Variants in ADCK1 observed in about 807,000 individuals in gnomAD.
ADCK1 encodes the protein aarF domain containing kinase 1, also known as aarF domain-containing protein kinase 1.
ADCK1 carries 41 observed loss-of-function variants against 52.3 expected under a neutral mutation model. The ratio of observed to expected loss-of-function variants is 0.78; its 90% confidence interval spans 0.61 to 1.02. ADCK1 has a LOEUF of 1.02. Among genes scored for constraint, ADCK1 ranks in the 50% least tolerant of loss-of-function variants. The pLI is 0.00. For missense variants in ADCK1, 658 were observed against 679.5 expected, an observed-to-expected ratio of 0.97 and a Z score of 0.35; for synonymous variants, 250 against 274.6, an observed-to-expected ratio of 0.91 and a Z score of 0.89.
At chr14:77,847,898 C>T (rs377352730) in intron 3 of ADCK1, among the ~76,000 whole-genome samples, 3 of 152,272 alleles carry the variant, frequency 2.0e-5, no homozygotes, top group South Asian at 4.1e-4. Flanking sequence ...GAACAGTTCC[C>T]GGGAGCCCAG....
intron 3 of ADCK1, among the ~76,000 whole-genome samples, chr14:77,846,707 G>T (rs1334449407): frequency 6.6e-6 from 1 of 152,188 alleles, no homozygotes; most frequent in East Asian, 1.9e-4. Context: ...TCCCACTGGG[G>T]AACGGTCAAG....
chr14:77,914,665 C>A (rs577682245), intron 7 of ADCK1: 220 of 862,348 alleles, frequency 2.6e-4, no homozygotes, highest in Admixed American at 3.1e-4. Flanking sequence ...TAAGCAACAT[C>A]CTCTGAGTGT....
At chr14:77,889,994 A>G (rs1342638246) in intron 5 of ADCK1, among the ~76,000 whole-genome samples, 3 of 152,186 alleles carry the variant, frequency 2.0e-5, no homozygotes, top group Admixed American at 6.5e-5. Context: ...TGGGACTAAG[A>G]AAGCATGGTC....
In ADCK1 at chr14:77,802,974, A is replaced by G. The variant is rs951209888; in HGVS notation, c.-12+2804A>G. Among the ~76,000 whole-genome samples the G allele has an allele frequency of 2.6e-5, 4 of 151,908 alleles. No individual in the cohort carries two copies. The South Asian group carries it at 6.3e-4, about 24-fold the overall frequency. On this transcript the variant is annotated intron_variant, in intron 1 of 10. Coordinates refer to ENST00000238561, the MANE Select transcript of ADCK1 (RefSeq NM_020421.4). ...ATCTCAAAATAAATAAATAAATACAATTTGGTTCCTGGACTACATTACTAT... is the reference window on the plus strand; with the variant it reads ...ATCTCAAAATAAATAAATAAATACAGTTTGGTTCCTGGACTACATTACTAT...
At chr14:77,856,159 G>A (rs61990735) in intron 3 of ADCK1, among the ~76,000 whole-genome samples, 175 of 152,230 alleles carry the variant, frequency 1.1e-3, no homozygotes, top group Non-Finnish European at 2.0e-3. Context: ...ACAGTGAGCC[G>A]AGATCACGCC....
chr14:77,822,903 G>A (rs2081612554), intron 3 of ADCK1, among the ~76,000 whole-genome samples: 1 of 152,216 alleles, frequency 6.6e-6, no homozygotes, highest in Non-Finnish European at 1.5e-5. Flanking sequence ...GGAGAGGCCA[G>A]TGTGTGTTTC....
At chr14:77,898,181 G>A (rs1210768106) in intron 5 of ADCK1, among the ~76,000 whole-genome samples, 1 of 152,168 alleles carries the variant, frequency 6.6e-6, no homozygotes, top group Non-Finnish European at 1.5e-5. Flanking sequence ...GATCACTTGA[G>A]CCTTGGAGGT....
At chr14:77,909,065 CA>C (rs981300059) in intron 7 of ADCK1, among the ~76,000 whole-genome samples, 1 of 150,232 alleles carries the variant, frequency 6.7e-6, no homozygotes, top group African/African-American at 2.5e-5. Flanking sequence ...GGGAGTGCAG[CA>C]ACATGTTCTG....
chr14:77,870,490 A>G (rs930300871), intron 4 of ADCK1, among the ~76,000 whole-genome samples: 2 of 152,242 alleles, frequency 1.3e-5, no homozygotes, highest in African/African-American at 4.8e-5. Flanking sequence ...ATTTTAGGCA[A>G]AGTGAGCTAA....
In ADCK1 at chr14:77,924,492, G is replaced by T. The variant is rs2140293793; in HGVS notation, c.894G>T (p.Met298Ile). 1 of 1,614,118 alleles carries T rather than the reference G, an allele frequency of 6.2e-7. No homozygotes were observed. Among genetic ancestry groups the T allele is most frequent in the East Asian group, 2.2e-5 (1 of 44,874 alleles). ...SRHLGKMYSE[M>I]IFVNGFVHCD... The stretch of plus-strand genomic sequence containing the variant: ...ACCTGGGCAAGATGTATAGTGAGAT[G>T]ATCTTCGTCAATGGCTTCGTGCACT... The change falls in exon 8 of 11, where the codon ATG becomes ATT. Residue 298 changes from methionine (M) to isoleucine (I), a missense_variant. Physicochemically the swap from Met to Ile is conservative, Grantham distance 10. Coordinates refer to ENST00000238561, the MANE Select transcript of ADCK1 (RefSeq NM_020421.4).
chr14:77,907,844 C>T lies in ADCK1; in HGVS notation c.783C>T (p.Leu261=). ...GGGACCTGTCCACGGAGCGGGTCCT[C>T]CTGATGGAGTTTGTGGATGGCGGGC... is the stretch of plus-strand genomic sequence containing the variant. ...IHWDLSTERV[L]LMEFVDGGQV... The change falls in exon 7 of 11, where the codon CTC becomes CTT. Residue 261 remains leucine, a synonymous_variant. Transcript: ENST00000238561. The T allele has an allele frequency of 1.2e-6, 2 of 1,614,118 alleles. No individual in the cohort carries two copies. Among genetic ancestry groups the T allele is most frequent in the Non-Finnish European group, 1.7e-6 (2 of 1,179,992 alleles).
chr14:77,901,069 G>T (rs1330470338), intron 6 of ADCK1, among the ~76,000 whole-genome samples: 2 of 141,854 alleles, frequency 1.4e-5, no homozygotes, highest in African/African-American at 5.2e-5. Flanking sequence ...TTTTGAGACA[G>T]AGTCTCGCTC....
Position 77,830,475 on chromosome 14 carries a change from A to C in ADCK1, c.219+7957A>C, listed in dbSNP as rs972539552. On this transcript the variant is annotated intron_variant, in intron 3 of 10. Coordinates refer to ENST00000238561, the MANE Select transcript of ADCK1 (RefSeq NM_020421.4). Reference sequence around the variant, plus strand: ...TCGCCAATTTTTTTTTTAATTAAATATGAGACAGAGTCTTGTCATGTTGCC... The same window carrying C: ...TCGCCAATTTTTTTTTTAATTAAATCTGAGACAGAGTCTTGTCATGTTGCC... 2.6e-5 allele frequency among the ~76,000 whole-genome samples: 4 copies of C among 150,958 alleles called. No individual in the cohort carries two copies. The Middle Eastern group carries it at 9.6e-3, about 363-fold the overall frequency.
chr14:77,845,476 G>A (rs1356360407), intron 3 of ADCK1, among the ~76,000 whole-genome samples: 1 of 152,034 alleles, frequency 6.6e-6, no homozygotes, highest in Non-Finnish European at 1.5e-5. Context: ...AGGCTGGAGT[G>A]CAGTGGCACA....
At chr14:77,922,623 A>T (rs894311144) in intron 7 of ADCK1, among the ~76,000 whole-genome samples, 3 of 152,176 alleles carry the variant, frequency 2.0e-5, no homozygotes, top group African/African-American at 7.2e-5. Context: ...ACAGCGCTCA[A>T]TTGAAAAGTG....
chr14:77,931,504 C>T lies in ADCK1; in HGVS notation c.1207-14C>T, dbSNP rs1484038187. ...TACCAACCATCTGTTTCTGTTGCCC[C>T]ATTGCTGCTTCAGGACTTAGAGATT... On this transcript the variant is annotated splice_polypyrimidine_tract_variant and intron_variant, in intron 9 of 10. Coordinates refer to ENST00000238561, the MANE Select transcript of ADCK1 (RefSeq NM_020421.4). 8.1e-6 allele frequency: 13 copies of T among 1,609,678 alleles called. No individual in the cohort carries two copies. Among genetic ancestry groups the T allele is most frequent in the Non-Finnish European group, 9.3e-6 (11 of 1,176,694 alleles).
chr14:77,887,228 G>A lies in ADCK1; in HGVS notation c.561G>A (p.Ser187=), dbSNP rs562832907. 24 of 1,591,796 alleles carry A rather than the reference G, an allele frequency of 1.5e-5. No individual in the cohort carries two copies. Among genetic ancestry groups the A allele is most frequent in the African/African-American group, 2.7e-5 (2 of 73,962 alleles). The part of the protein sequence containing the change: ...VQHPKVRAQS[S]KDILLMEVLV... The stretch of plus-strand genomic sequence containing the variant: ...ACCCAAAGGTGCGGGCTCAGAGCTC[G>A]AAGGACATTCTCCTGATGGAGGTGA... Residue 187 remains serine (S), a synonymous_variant, in exon 5 of 11, where the codon TCG becomes TCA. Transcript: ENST00000238561.
intron 1 of ADCK1, among the ~76,000 whole-genome samples, chr14:77,801,591 A>G (rs1028310690): frequency 1.3e-5 from 2 of 152,144 alleles, no homozygotes; most frequent in African/African-American, 4.8e-5. Context: ...AAGAGTGTGC[A>G]TATTCTTACT....
intron 4 of ADCK1, among the ~76,000 whole-genome samples, chr14:77,860,997 A>G (rs2082532986): frequency 1.3e-5 from 2 of 151,842 alleles, no homozygotes; most frequent in Admixed American, 1.3e-4. Context: ...GGAGTGAGGG[A>G]AGTTTGGAGT....
Sources: allele counts gnomAD v4.1 joint callset (sites outside exome capture counted in the v4.1 genomes callset), GRCh38; gene constraint gnomAD v4.1.1; transcripts MANE v1.5; gene names NCBI Gene and HGNC (gene_info 2026-07-23, HGNC 2026-07-21).